Variants in TXLNA observed in about 807,000 individuals in gnomAD.
TXLNA encodes taxilin alpha, also known as alpha-taxilin.
TXLNA carries 9 observed loss-of-function variants against 61.4 expected under a neutral mutation model. The observed-to-expected ratio is 0.15, with a 90% confidence interval of 0.09 to 0.26. The LOEUF is 0.26. Among genes scored for constraint, TXLNA ranks in the 10% least tolerant of loss-of-function variants. The pLI is 1.00. For synonymous variants in TXLNA, 257 were observed against 267.7 expected, an observed-to-expected ratio of 0.96 and a Z score of 0.39; for missense variants, 565 against 688.8, an observed-to-expected ratio of 0.82 and a Z score of 2.01.
intron 3 of TXLNA, among the ~76,000 whole-genome samples, chr1:32,184,093 T>C (rs1642731317): frequency 6.6e-6 from 1 of 152,240 alleles, no homozygotes. Context: ...AAGAGTTTAG[T>C]ATTTCTCAAG....
intron 4 of TXLNA, among the ~76,000 whole-genome samples, chr1:32,185,529 T>TA (rs1557501035): frequency 3.7e-5 from 5 of 135,186 alleles, no homozygotes; most frequent in African/African-American, 1.4e-4. Context: ...AGTAGCTGGG[T>TA]CTACAGGCGC....
Position 32,195,169 on chromosome 1 carries a change from C to A in TXLNA, c.1615C>A (p.Gln539Lys), listed in dbSNP as rs934054311. 6.2e-7 allele frequency: 1 copy of A among 1,605,098 alleles called. No individual in the cohort carries two copies. ...AGAAGCATCAGGCCAGACTGGGCCT[C>A]AAGAGCCCACCTCCGCCAGGGCCTA... ...STEASGQTGP[Q>K]EPTSARA The change falls in exon 11 of 11, where the codon CAA (glutamine) becomes AAA (lysine). Residue 539 changes from glutamine (Q) to lysine (K), a missense_variant. By Grantham distance (53) the Gln-to-Lys change is moderately conservative (BLOSUM62 1). This residue lies in a region of TXLNA where 373 missense variants were observed against 504.0 expected (regional missense o/e 0.74). Transcript: ENST00000373610.
At chr1:32,188,279 G>T (rs548209247) in intron 5 of TXLNA, among the ~76,000 whole-genome samples, 155 bp downstream of exon 5, 1 of 152,274 alleles carries the variant, frequency 6.6e-6, no homozygotes, top group East Asian at 1.9e-4. Context: ...CTAAAAAACA[G>T]AAATTAATTT....
intron 4 of TXLNA, among the ~76,000 whole-genome samples, chr1:32,186,590 A>G (rs373993566): frequency 5.3e-5 from 8 of 152,170 alleles, no homozygotes; most frequent in African/African-American, 1.9e-4. Flanking sequence ...TGAGGGTGTA[A>G]GAAATCCAAG....
chr1:32,195,977 C>CTTTTT lies in TXLNA; in HGVS notation c.*793_*797dup, dbSNP rs112648110. ...GGTGTTTTTTTCTTTATTTCTTTTT[C>CTTTTT]TTTTTTTTTTTTTTTCTTTTTCTTT... On this transcript the variant is annotated 3_prime_UTR_variant, in exon 11 of 11. Coordinates refer to ENST00000373610, the MANE Select transcript of TXLNA (RefSeq NM_175852.4). 6.5e-6 allele frequency: 1 copy of CTTTTT among 154,398 alleles called. No homozygotes were observed. Among genetic ancestry groups the CTTTTT allele is most frequent in the African/African-American group, 2.7e-5 (1 of 37,126 alleles). 9.6% of individuals were successfully genotyped at this position (154,398 alleles called of 1,614,324 possible). A position where few individuals can be genotyped will look rare whatever the true frequency, so the allele number is the denominator to read the frequency against.
intron 4 of TXLNA, among the ~76,000 whole-genome samples, chr1:32,187,428 A>G (rs1642811377): frequency 6.6e-6 from 1 of 152,128 alleles, no homozygotes; most frequent in Admixed American, 6.5e-5. Flanking sequence ...GGAAGAGGTG[A>G]TGGACTGTGA....
chr1:32,193,065 A>G, intron 8 of TXLNA, 143 bp from the exon 9 acceptor site: 1 of 648,644 alleles, frequency 1.5e-6, no homozygotes, highest in Non-Finnish European at 2.7e-6. Flanking sequence ...ATCCTTCCAA[A>G]TATATAGCTT....
In TXLNA at chr1:32,196,630, C is replaced by A. The variant is rs912317730; in HGVS notation, c.*1435C>A. ...TGTTGCAAACTTGCCAGGGTATTAG[C>A]CAGTGTTTGTGCCAAGCAGTTTTCT... On this transcript the variant is annotated 3_prime_UTR_variant, in exon 11 of 11. Transcript: ENST00000373610. 2.0e-5 allele frequency: 3 copies of A among 152,142 alleles called. No homozygotes were observed. The highest frequency in any genetic ancestry group is 7.2e-5 in the African/African-American group (3 of 41,402). 9.4% of individuals were successfully genotyped at this position (152,142 alleles called of 1,614,324 possible).
intron 10 of TXLNA, 66 bp downstream of exon 10, chr1:32,194,226 G>T: frequency 4.6e-6 from 6 of 1,316,346 alleles, no homozygotes; most frequent in Non-Finnish European, 6.5e-6. Flanking sequence ...GCCCTTTCCT[G>T]TATGTTCTAC....
chr1:32,195,415 C>T lies in TXLNA; in HGVS notation c.*220C>T. ...TTTATACCTGTAAGTGTACAGTGGGCTTGCATTGGGGATGGGGGTGTGTAC... is the reference window on the plus strand; with the variant it reads ...TTTATACCTGTAAGTGTACAGTGGGTTTGCATTGGGGATGGGGGTGTGTAC... On this transcript the variant is annotated 3_prime_UTR_variant, in exon 11 of 11. Transcript: ENST00000373610. 1.7e-6 allele frequency: 1 copy of T among 591,142 alleles called. No individual in the cohort carries two copies. The highest frequency in any genetic ancestry group is 3.0e-6 in the Non-Finnish European group (1 of 333,786). The allele number at this position is 591,142 out of a possible 1,614,324, so 36.6% of individuals were successfully genotyped here.
Position 32,194,834 on chromosome 1 carries a change from C to G in TXLNA, c.1348-68C>G, listed in dbSNP as rs766668693. On this transcript the variant is annotated intron_variant, in intron 10 of 10. Coordinates refer to ENST00000373610, the MANE Select transcript of TXLNA (RefSeq NM_175852.4). Reference sequence around the variant, plus strand: ...CTCTCAGCCTTGTTAAAGTGTTTGCCGCCAAGTGGTGATGGTAAGTGGGAG... The same window carrying G: ...CTCTCAGCCTTGTTAAAGTGTTTGCGGCCAAGTGGTGATGGTAAGTGGGAG... 38 of 1,521,856 alleles carry G rather than the reference C, an allele frequency of 2.5e-5. 1 individual carries two copies. The Admixed American group carries it at 6.1e-4, about 24-fold the overall frequency. 94.3% of individuals were successfully genotyped at this position (1,521,856 alleles called of 1,614,324 possible). A position where few individuals can be genotyped will look rare whatever the true frequency, so the allele number is the denominator to read the frequency against.
Position 32,192,880 on chromosome 1 carries a change from A to G in TXLNA, c.1158+149A>G. 1.3e-6 allele frequency: 1 copy of G among 775,930 alleles called. No individual in the cohort carries two copies. Among genetic ancestry groups the G allele is most frequent in the Non-Finnish European group, 2.1e-6 (1 of 476,540 alleles). The allele number at this position is 775,930 out of a possible 1,614,324, so 48.1% of individuals were successfully genotyped here. A position where few individuals can be genotyped will look rare whatever the true frequency, so the allele number is the denominator to read the frequency against. ...GAGCCTTTGTTCTCTCCGGACCTGC[A>G]CAGTACCTATGTGGTGGTGACCAGG... On this transcript the variant is annotated intron_variant, in intron 8 of 10. Coordinates refer to ENST00000373610, the MANE Select transcript of TXLNA (RefSeq NM_175852.4). The surrounding 1 kb of genome is among the most constrained non-coding windows in gnomAD (Gnocchi z 4.2).
intron 4 of TXLNA, 40 bp downstream of exon 4, chr1:32,184,656 A>C (rs1241687063): frequency 2.8e-6 from 4 of 1,428,412 alleles, no homozygotes; most frequent in Admixed American, 3.5e-5. Context: ...CTGCGTTGGG[A>C]AAATCAGCAT....
intron 10 of TXLNA, 50 bp from the exon 11 acceptor site, chr1:32,194,852 A>T: frequency 6.5e-7 from 1 of 1,543,482 alleles, no homozygotes; most frequent in Non-Finnish European, 8.7e-7. Context: ...GGTGATGGTA[A>T]GTGGGAGGTT....
In TXLNA at chr1:32,179,716, G is replaced by C. The variant is rs1642606205; in HGVS notation, c.-93G>C. The C allele has an allele frequency of 1.3e-5, 2 of 152,412 alleles. No individual in the cohort carries two copies. The highest frequency in any genetic ancestry group is 4.8e-5 in the African/African-American group (2 of 41,456). The allele number at this position is 152,412 out of a possible 1,614,324, so 9.4% of individuals were successfully genotyped here. A position where few individuals can be genotyped will look rare whatever the true frequency, so the allele number is the denominator to read the frequency against. On this transcript the variant is annotated 5_prime_UTR_variant, in exon 1 of 11. Transcript: ENST00000373610. ...GGGAGCAGGCGGCTGGCCGGCAGCA[G>C]TTACTCGGGGTTTCCGGTGCGAGGC...
In TXLNA at chr1:32,197,156, C is replaced by A. The variant is rs1643043372; in HGVS notation, c.*1961C>A. On this transcript the variant is annotated 3_prime_UTR_variant, in exon 11 of 11. Coordinates refer to ENST00000373610, the MANE Select transcript of TXLNA (RefSeq NM_175852.4). The surrounding 1 kb of genome is among the most constrained non-coding windows in gnomAD (Gnocchi z 4.6). Reference sequence around the variant, plus strand: ...GCCCCTGTGCCAGGCTAAGCTGGTACAAGAGCTGCCAACCTCACAGAGTGT... The same window carrying A: ...GCCCCTGTGCCAGGCTAAGCTGGTAAAAGAGCTGCCAACCTCACAGAGTGT... The A allele has an allele frequency of 6.6e-6, 1 of 152,372 alleles. No homozygotes were observed. The highest frequency in any genetic ancestry group is 2.4e-5 in the African/African-American group (1 of 41,442). The allele number at this position is 152,372 out of a possible 1,614,324, so 9.4% of individuals were successfully genotyped here. A position where few individuals can be genotyped will look rare whatever the true frequency, so the allele number is the denominator to read the frequency against.
intron 4 of TXLNA, 141 bp from the exon 5 acceptor site, chr1:32,187,813 A>G: frequency 1.2e-6 from 1 of 844,810 alleles, no homozygotes; most frequent in South Asian, 2.1e-5. Flanking sequence ...AAGCACCGGC[A>G]CAGCATCAGC....
At chr1:32,190,387 T>G in intron 6 of TXLNA, 138 bp downstream of exon 6, 2 of 846,768 alleles carry the variant, frequency 2.4e-6, no homozygotes, top group Non-Finnish European at 3.6e-6. Flanking sequence ...AGGAGAGTAA[T>G]GTTATTCCTC....
At chr1:32,191,093 C>CAAAAAAAAA (rs1159645218) in intron 6 of TXLNA, among the ~76,000 whole-genome samples, 61 of 58,690 alleles carry the variant, frequency 1.0e-3, no homozygotes, top group African/African-American at 3.4e-3. Flanking sequence ...GACTCCATCT[C>CAAAAAAAAA]AAAAAAAAAA....
Sources: allele counts gnomAD v4.1 joint callset (sites outside exome capture counted in the v4.1 genomes callset), GRCh38; gene constraint gnomAD v4.1.1; regional missense constraint gnomAD v4.1.1; non-coding constraint Gnocchi (gnomAD v3.1); transcripts MANE v1.5; gene names NCBI Gene and HGNC (gene_info 2026-07-23, HGNC 2026-07-21).